The following ANKRD28 variants were observed in gnomAD, a reference collection of about 807,000 sequenced individuals.
ANKRD28 encodes the protein ankyrin repeat domain 28.
Under a neutral mutation model 126.5 loss-of-function variants are expected in ANKRD28, and 44 were observed. The observed-to-expected ratio is 0.35, with a 90% CI of 0.27 to 0.45. The LOEUF (loss-of-function observed/expected upper bound fraction) is 0.45, where lower values mean the gene tolerates loss of function less well. Among genes scored for constraint, ANKRD28 ranks in the 20% least tolerant of loss-of-function variants. ANKRD28 has a pLI of 1.00. For missense variants in ANKRD28, 1,110 were observed against 1,316.6 expected, an observed-to-expected ratio of 0.84 and a Z score of 2.43; for synonymous variants, 442 against 468.5, an observed-to-expected ratio of 0.94 and a Z score of 0.73.
intron 2 of ANKRD28, among the ~76,000 whole-genome samples, chr3:15,783,865 T>C (rs545444833): frequency 1.3e-5 from 2 of 151,918 alleles, no homozygotes; most frequent in South Asian, 4.1e-4. Flanking sequence ...CCCCAAAATA[T>C]ATCAAGGCAT....
chr3:15,824,785 T>C (rs1303309274), intron 1 of ANKRD28, among the ~76,000 whole-genome samples: 1 of 152,124 alleles, frequency 6.6e-6, no homozygotes, highest in African/African-American at 2.4e-5. Flanking sequence ...CGACTTACTT[T>C]TACAGAACAA....
intron 1 of ANKRD28, among the ~76,000 whole-genome samples, chr3:15,822,964 G>A (rs975323191): frequency 6.6e-6 from 1 of 152,166 alleles, no homozygotes; most frequent in African/African-American, 2.4e-5. Context: ...TATTTTAATT[G>A]TAAGCCAACT....
chr3:15,785,647 G>GT (rs1257012249), intron 2 of ANKRD28, among the ~76,000 whole-genome samples: 1 of 151,924 alleles, frequency 6.6e-6, no homozygotes, highest in Non-Finnish European at 1.5e-5. Flanking sequence ...ACTTTGACAG[G>GT]TTTTTTAACA....
chr3:15,859,394 G>T, exon 1 of ANKRD28: 1 of 1,528,830 alleles, frequency 6.5e-7, no homozygotes. Flanking sequence ...CGGAGTTTGA[G>T]GAACGCCATG....
intron 3 of ANKRD28, among the ~76,000 whole-genome samples, chr3:15,754,530 A>T (rs1330623317): frequency 6.6e-6 from 1 of 152,252 alleles, no homozygotes; most frequent in Admixed American, 6.5e-5. Context: ...GATCTACAGT[A>T]AGAACAAATC....
chr3:15,777,688 G>A (rs1239309743), intron 2 of ANKRD28, among the ~76,000 whole-genome samples: 1 of 152,042 alleles, frequency 6.6e-6, no homozygotes, highest in Non-Finnish European at 1.5e-5. Context: ...CAGAAAGGGC[G>A]AAACAAAACA....
chr3:15,700,458 C>CA (rs71045180), intron 14 of ANKRD28, among the ~76,000 whole-genome samples: 79,973 of 146,682 alleles, frequency 0.55, 22,428 homozygotes, highest in Middle Eastern at 0.64. Context: ...AGTATAATGA[C>CA]AAAAAAAAAA....
rs773830093 is a variant in ANKRD28, at chr3:15,679,484, A to G, written c.2469T>C (p.His823=). ...ATTCTGGCTTTACTTACACGGCACA[A>G]TGCAATGGACTAAAAGCATTTCCTT... The part of the protein sequence containing the change: ...KTEGNAFSPL[H]CAVINDNEGA... Residue 823 remains histidine (H), a synonymous_variant, in exon 22 of 28, where the codon CAT becomes CAC. Transcript: ENST00000683139. 2 of 1,613,934 alleles carry G rather than the reference A, an allele frequency of 1.2e-6. No homozygotes were observed. Among genetic ancestry groups the G allele is most frequent in the African/African-American group, 1.3e-5 (1 of 75,042 alleles).
At chr3:15,837,018 C>T (rs184677913) in intron 1 of ANKRD28, among the ~76,000 whole-genome samples, 4 of 149,888 alleles carry the variant, frequency 2.7e-5, no homozygotes, top group East Asian at 2.0e-4. Flanking sequence ...GAGAATGGCC[C>T]GAACCCAGGA....
Position 15,675,920 on chromosome 3 carries a change from A to C in ANKRD28, c.2943T>G (p.Ser981Arg). ...TACCATTTTCATCTACTGCAAGCAC[A>C]CTTGCTCCTTTTCCCAAAAGTTCCT... ...VVQELLGKGA[S>R]VLAVDENGYT... Residue 981 changes from serine (S) to arginine (R), a missense_variant, in exon 27 of 28, where the codon AGT (serine) becomes AGG (arginine). By Grantham distance (110) the Ser-to-Arg change is moderately radical. Transcript: ENST00000683139. The C allele has an allele frequency of 6.2e-7, 1 of 1,612,878 alleles. No individual in the cohort carries two copies. The highest frequency in any genetic ancestry group is 8.5e-7 in the Non-Finnish European group (1 of 1,179,098).
At chr3:15,689,622 T>A (rs1025103198) in intron 18 of ANKRD28, among the ~76,000 whole-genome samples, 2 of 152,202 alleles carry the variant, frequency 1.3e-5, no homozygotes, top group African/African-American at 4.8e-5. Context: ...GGCTGGAGCA[T>A]GAGGGAGGTT....
chr3:15,749,090 A>G (rs1448292210), intron 4 of ANKRD28, among the ~76,000 whole-genome samples: 1 of 117,542 alleles, frequency 8.5e-6, no homozygotes, highest in Non-Finnish European at 1.7e-5. Flanking sequence ...CATATTCTAT[A>G]TTATGTTTTT....
In ANKRD28 at chr3:15,815,249, T is replaced by C. The variant is rs548894265; in HGVS notation, c.28-19943A>G. ...GCCATAATTCTCAAGTGCAATGACC[T>C]AGAAAGAACAAATGTCAGAATTACA... On this transcript the variant is annotated intron_variant, in intron 1 of 27. Transcript: ENST00000399451. This position sits in a 1 kb window ranked among gnomAD's most constrained non-coding sequence, Gnocchi z 4.1. Among the ~76,000 whole-genome samples, 5 of 152,278 alleles carry C rather than the reference T, an allele frequency of 3.3e-5. No individual in the cohort carries two copies. Among genetic ancestry groups the C allele is most frequent in the Admixed American group, 2.0e-4 (3 of 15,296 alleles).
intron 2 of ANKRD28, among the ~76,000 whole-genome samples, chr3:15,768,067 A>C (rs2058832606): frequency 6.6e-6 from 1 of 152,184 alleles, no homozygotes; most frequent in Non-Finnish European, 1.5e-5. Flanking sequence ...AAATAATCCT[A>C]CAGAAAAGAG....
chr3:15,769,583 TCTTTATTTAACTGA>T (rs1375418328), intron 2 of ANKRD28, among the ~76,000 whole-genome samples: 1 of 152,212 alleles, frequency 6.6e-6, no homozygotes, highest in Non-Finnish European at 1.5e-5. Flanking sequence ...AAATTCTTAA[TCTTTATTTAACTGA>T]CTCACAAGAT....
chr3:15,707,594 C>T lies in ANKRD28; in HGVS notation c.1547+330G>A, dbSNP rs2071629865. Among the ~76,000 whole-genome samples the T allele has an allele frequency of 2.0e-5, 3 of 152,130 alleles. No individual in the cohort carries two copies. The South Asian group carries it at 6.2e-4, about 32-fold the overall frequency. On this transcript the variant is annotated intron_variant, in intron 14 of 27. Transcript: ENST00000683139. ...CATATATCTCCTCTCTCCCTTTCCCCATGATATAGTCACGGCTGTAGCCTC... is the reference window on the plus strand; with the variant it reads ...CATATATCTCCTCTCTCCCTTTCCCTATGATATAGTCACGGCTGTAGCCTC...
At position 15,708,060 on chromosome 3, in the gene ANKRD28, G is replaced by A. The variant is rs532228389; in HGVS notation, c.1411C>T (p.Pro471Ser). The change falls in exon 14 of 28, where the codon CCA becomes TCA. Residue 471 changes from proline (P) to serine (S), a missense_variant. Transcript: ENST00000683139. Reference sequence around the variant, plus strand: ...CAGTTGGCAGCAGCGTAGTGCAGTGGAGATCTTTTGGGTCCAAGTTAATAC... The same window carrying A: ...CAGTTGGCAGCAGCGTAGTGCAGTGAAGATCTTTTGGGTCCAAGTTAATAC... ...FNKKDKFGRS[P>S]LHYAAANCNY... is the part of the protein sequence containing the mutation. The A allele has an allele frequency of 6.2e-7, 1 of 1,601,696 alleles. No homozygotes were observed. The highest frequency in any genetic ancestry group is 1.7e-5 in the Admixed American group (1 of 57,888).
At chr3:15,715,325 C>A (rs894215333) in intron 8 of ANKRD28, among the ~76,000 whole-genome samples, 3 of 152,218 alleles carry the variant, frequency 2.0e-5, no homozygotes, top group African/African-American at 7.2e-5. Context: ...GCTTCCTAAT[C>A]TCACAGCAAC....
chr3:15,856,240 T>C (rs1311994929), intron 1 of ANKRD28, among the ~76,000 whole-genome samples: 1 of 152,144 alleles, frequency 6.6e-6, no homozygotes, highest in African/African-American at 2.4e-5. Flanking sequence ...ACTGCAACAA[T>C]GGCTTGAAGC....
Sources: allele counts gnomAD v4.1 joint callset (sites outside exome capture counted in the v4.1 genomes callset), GRCh38; gene constraint gnomAD v4.1.1; non-coding constraint Gnocchi (gnomAD v3.1); transcripts MANE v1.5; gene names NCBI Gene and HGNC (gene_info 2026-07-23, HGNC 2026-07-21).